The following ANKRD6 variants were observed in gnomAD, a reference collection of about 807,000 sequenced individuals.
ANKRD6 encodes ankyrin repeat domain 6.
Under a neutral mutation model 82.3 loss-of-function variants are expected in ANKRD6, and 56 were observed. The ratio of observed to expected loss-of-function variants is 0.68; its 90% CI spans 0.55 to 0.85. The LOEUF is 0.85. Ranked by LOEUF, ANKRD6 falls within the 40% of genes least tolerant of loss-of-function variation. The pLI is 0.00. For missense variants in ANKRD6, 852 were observed against 907.6 expected, an observed-to-expected ratio of 0.94 and a Z score of 0.79; for synonymous variants, 347 against 352.1, an observed-to-expected ratio of 0.99 and a Z score of 0.16.
chr6:89,612,465 T>A, intron 6 of ANKRD6, 95 bp downstream of exon 6: 1 of 1,269,150 alleles, frequency 7.9e-7, no homozygotes. Context: ...CATCTAGAAA[T>A]TAAAATGTAA....
At chr6:89,552,061 A>C (rs1785929158) in intron 1 of ANKRD6, among the ~76,000 whole-genome samples, 1 of 152,256 alleles carries the variant, frequency 6.6e-6, no homozygotes. Context: ...TAAGGAATGT[A>C]GTGGACCAAA....
intron 1 of ANKRD6, among the ~76,000 whole-genome samples, chr6:89,524,855 A>T (rs1019968695): frequency 6.6e-6 from 1 of 152,052 alleles, no homozygotes; most frequent in Non-Finnish European, 1.5e-5. Context: ...GTAGTGTAAA[A>T]GTGTTCCCTA....
At chr6:89,553,655 C>A (rs1786164022) in intron 1 of ANKRD6, among the ~76,000 whole-genome samples, 1 of 152,066 alleles carries the variant, frequency 6.6e-6, no homozygotes, top group Non-Finnish European at 1.5e-5. Context: ...AGTGGTGTTT[C>A]CTGTGGGAGA....
intron 5 of ANKRD6, 73 bp from the exon 6 acceptor site, chr6:89,612,199 C>T: frequency 7.3e-7 from 1 of 1,372,780 alleles, no homozygotes; most frequent in Non-Finnish European, 1.0e-6. Flanking sequence ...AAGTACTGCC[C>T]CTCTGCAAGG....
intron 2 of ANKRD6, among the ~76,000 whole-genome samples, chr6:89,576,251 C>T (rs1390447572): frequency 6.6e-6 from 1 of 152,050 alleles, no homozygotes; most frequent in East Asian, 1.9e-4. Context: ...GGGGTTTCAC[C>T]ATATTAGCCA....
intron 1 of ANKRD6, among the ~76,000 whole-genome samples, chr6:89,534,226 T>G (rs1783549355): frequency 6.6e-6 from 1 of 152,232 alleles, no homozygotes; most frequent in African/African-American, 2.4e-5. Flanking sequence ...GTTGATACCA[T>G]GTTGCCACCC....
chr6:89,613,970 G>A, intron 7 of ANKRD6, 80 bp downstream of exon 7: 1 of 1,430,130 alleles, frequency 7.0e-7, no homozygotes. Flanking sequence ...GCAAACGGGA[G>A]CAGAGGCTGC....
In ANKRD6 at chr6:89,498,952, C is replaced by T. The variant is rs556229931; in HGVS notation, c.-144+65577C>T. ...GGCTTTCTCAGGGCCCATTCCCAAC[C>T]ACTCTCTCACTTGCCTTCCTCTACT... is the stretch of plus-strand genomic sequence containing the variant. On this transcript the variant is annotated intron_variant, in intron 1 of 15. Transcript: ENST00000339746. Among the ~76,000 whole-genome samples the T allele has an allele frequency of 1.2e-4, 19 of 152,276 alleles. No homozygotes were observed. The South Asian group carries it at 3.9e-3, about 32-fold the overall frequency.
At chr6:89,519,916 C>T (rs1425619671) in intron 1 of ANKRD6, among the ~76,000 whole-genome samples, 1 of 152,194 alleles carries the variant, frequency 6.6e-6, no homozygotes, top group African/African-American at 2.4e-5. Flanking sequence ...TAATTTTCTA[C>T]TAAGAATTTT....
At chr6:89,492,444 G>T (rs1230403750) in intron 1 of ANKRD6, among the ~76,000 whole-genome samples, 2 of 152,178 alleles carry the variant, frequency 1.3e-5, no homozygotes, top group Non-Finnish European at 2.9e-5. Flanking sequence ...TTGTTACCCA[G>T]GTGGCTGTAC....
intron 1 of ANKRD6, among the ~76,000 whole-genome samples, chr6:89,500,376 A>G (rs543702029): frequency 6.6e-6 from 1 of 152,330 alleles, no homozygotes; most frequent in East Asian, 1.9e-4. Flanking sequence ...AGTTCCTGGC[A>G]TGAAAAATAT....
chr6:89,523,056 T>A (rs937780394), intron 1 of ANKRD6, among the ~76,000 whole-genome samples: 20 of 152,104 alleles, frequency 1.3e-4, no homozygotes, highest in African/African-American at 4.8e-4. Flanking sequence ...GACAGCAGAT[T>A]CCCTCCTGAG....
At chr6:89,484,898 T>C (rs1267868262) in intron 1 of ANKRD6, among the ~76,000 whole-genome samples, 1 of 152,216 alleles carries the variant, frequency 6.6e-6, no homozygotes, top group Admixed American at 6.5e-5. Context: ...TTTTGAGACG[T>C]GGGCTCTATC....
intron 2 of ANKRD6, among the ~76,000 whole-genome samples, chr6:89,586,714 G>A (rs1023352471): frequency 6.6e-6 from 1 of 152,088 alleles, no homozygotes; most frequent in Non-Finnish European, 1.5e-5. Flanking sequence ...TGTAGTCTGG[G>A]CTGCCACCTG....
chr6:89,545,665 T>C (rs997311484), intron 1 of ANKRD6, among the ~76,000 whole-genome samples: 3 of 152,122 alleles, frequency 2.0e-5, no homozygotes, highest in Non-Finnish European at 4.4e-5. Flanking sequence ...CCCCAAAAGA[T>C]GAACTAAATC....
chr6:89,618,715 G>T (rs1039942766), intron 9 of ANKRD6, among the ~76,000 whole-genome samples: 3 of 152,064 alleles, frequency 2.0e-5, no homozygotes, highest in African/African-American at 7.2e-5. Flanking sequence ...TTACATAATT[G>T]TGCTTACAAT....
intron 1 of ANKRD6, among the ~76,000 whole-genome samples, chr6:89,541,424 G>A (rs1384310252): frequency 1.8e-4 from 19 of 105,698 alleles, no homozygotes; most frequent in Middle Eastern, 0.022. Context: ...ATGGAGTCTC[G>A]CACTGTCACC....
intron 13 of ANKRD6, 147 bp from the exon 14 acceptor site, chr6:89,627,436 C>G: frequency 1.6e-6 from 1 of 607,576 alleles, no homozygotes; most frequent in South Asian, 2.0e-5. Context: ...TTCCATGAGT[C>G]CTACATGCAA....
At chr6:89,586,971 T>G (rs1472275503) in intron 2 of ANKRD6, among the ~76,000 whole-genome samples, 5 of 151,184 alleles carry the variant, frequency 3.3e-5, no homozygotes, top group Non-Finnish European at 7.4e-5. Context: ...GGTGGATCAC[T>G]TAAGGTCAGG....
Sources: allele counts gnomAD v4.1 joint callset (sites outside exome capture counted in the v4.1 genomes callset), GRCh38; gene constraint gnomAD v4.1.1; transcripts MANE v1.5; gene names NCBI Gene and HGNC (gene_info 2026-07-23, HGNC 2026-07-21).